ZMAT4: variants seen among roughly 807,000 people sequenced by gnomAD.
ZMAT4 encodes the protein zinc finger matrin-type 4.
ZMAT4 carries 17 observed loss-of-function variants against 28.7 expected under a neutral mutation model. That is an observed-to-expected ratio of 0.59 (90% CI 0.41 to 0.89). The LOEUF is 0.89. Among genes scored for constraint, ZMAT4 ranks in the 40% least tolerant of loss-of-function variants. ZMAT4 has a pLI of 0.00. For missense variants in ZMAT4, 240 were observed against 283.8 expected, an observed-to-expected ratio of 0.85 and a Z score of 1.11; for synonymous variants, 117 against 109.2, an observed-to-expected ratio of 1.07 and a Z score of -0.44.
chr8:40,659,775 T>C (rs1202124086), intron 5 of ZMAT4, among the ~76,000 whole-genome samples: 3 of 152,132 alleles, frequency 2.0e-5, no homozygotes, highest in Non-Finnish European at 2.9e-5. Flanking sequence ...CCCAGAGAGA[T>C]GAAGCAACTC....
intron 2 of ZMAT4, among the ~76,000 whole-genome samples, chr8:40,768,663 T>C (rs544251785): frequency 1.3e-5 from 2 of 152,196 alleles, no homozygotes; most frequent in South Asian, 2.1e-4. Context: ...ATTTTCTCCA[T>C]GTACAAAATG....
chr8:40,602,792 T>C (rs1805443829), intron 5 of ZMAT4, among the ~76,000 whole-genome samples: 1 of 152,224 alleles, frequency 6.6e-6, no homozygotes, highest in Non-Finnish European at 1.5e-5. Context: ...TTGAGTTCCT[T>C]GTAGATTCTG....
chr8:40,581,181 A>G lies in ZMAT4; in HGVS notation c.658T>C (p.Ser220Pro), dbSNP rs1339923346. Residue 220 changes from serine to proline, a missense_variant, in exon 6 of 7, where the codon TCT becomes CCT. Transcript: ENST00000297737. ...IEQYHAHLKG[S>P]KHQTNLKNK Reference sequence around the variant, plus strand: ...AGTACCTACTTGGTCTGGTGTTTAGATCCTTTCAGATGGGCATGATACTGT... The same window carrying G: ...AGTACCTACTTGGTCTGGTGTTTAGGTCCTTTCAGATGGGCATGATACTGT... 6.2e-7 allele frequency: 1 copy of G among 1,613,158 alleles called. No individual in the cohort carries two copies. Among genetic ancestry groups the G allele is most frequent in the Admixed American group, 1.7e-5 (1 of 59,982 alleles).
intron 5 of ZMAT4, among the ~76,000 whole-genome samples, chr8:40,592,567 T>C (rs557899261): frequency 1.3e-5 from 2 of 152,204 alleles, no homozygotes; most frequent in South Asian, 2.1e-4. Flanking sequence ...GGGAAGCAAA[T>C]GGCTTTGCAT....
At chr8:40,552,663 G>C (rs1408681166) in intron 6 of ZMAT4, among the ~76,000 whole-genome samples, 2 of 152,126 alleles carry the variant, frequency 1.3e-5, no homozygotes, top group Non-Finnish European at 2.9e-5. Flanking sequence ...GAGACCCAGG[G>C]AGATGAGTGG....
At chr8:40,679,338 T>C (rs1232002574) in intron 4 of ZMAT4, among the ~76,000 whole-genome samples, 1 of 152,184 alleles carries the variant, frequency 6.6e-6, no homozygotes, top group Non-Finnish European at 1.5e-5. Flanking sequence ...CTGCAGCTCC[T>C]GTGTGTGTCT....
At chr8:40,823,749 A>G (rs943334200) in intron 2 of ZMAT4, among the ~76,000 whole-genome samples, 6 of 152,082 alleles carry the variant, frequency 3.9e-5, no homozygotes, top group Admixed American at 3.9e-4. Flanking sequence ...ATAGCCACAG[A>G]AATTTGGAAG....
At chr8:40,551,647 G>T (rs2118423860) in intron 6 of ZMAT4, among the ~76,000 whole-genome samples, 1 of 152,224 alleles carries the variant, frequency 6.6e-6, no homozygotes, top group Admixed American at 6.5e-5. Context: ...CTTACTTTAA[G>T]CATTGTTACA....
intron 3 of ZMAT4, among the ~76,000 whole-genome samples, chr8:40,756,624 AGTGTGTGTGTGTGTGT>A (rs58686349): frequency 0.28 from 39,078 of 139,484 alleles, 5,814 homozygotes; most frequent in Non-Finnish European, 0.34. Context: ...TATGTTTGTA[AGTGTGTGTGTGTGTGT>A]GTGTGTGTGT....
intron 6 of ZMAT4, among the ~76,000 whole-genome samples, chr8:40,544,871 A>G (rs1291228575): frequency 9.2e-5 from 14 of 152,188 alleles, no homozygotes; most frequent in Admixed American, 9.2e-4. Context: ...AGGTCCCTGA[A>G]TCCTGGGATC....
At chr8:40,850,617 G>A (rs1817069586) in intron 1 of ZMAT4, among the ~76,000 whole-genome samples, 1 of 152,122 alleles carries the variant, frequency 6.6e-6, no homozygotes, top group African/African-American at 2.4e-5. Flanking sequence ...TTTGTGGGCT[G>A]GCTAAATGAA....
At chr8:40,667,058 TGTAAA>T (rs1808445827) in intron 5 of ZMAT4, among the ~76,000 whole-genome samples, 1 of 151,924 alleles carries the variant, frequency 6.6e-6, no homozygotes. Context: ...TCAAAAGAAA[TGTAAA>T]GAAATGTAAA....
intron 1 of ZMAT4, among the ~76,000 whole-genome samples, chr8:40,886,834 G>A (rs1235007049): frequency 6.6e-6 from 1 of 151,948 alleles, no homozygotes. Context: ...CTACATGAAT[G>A]GTAACTGCTT....
intron 5 of ZMAT4, among the ~76,000 whole-genome samples, chr8:40,606,088 T>C (rs907318408): frequency 6.6e-6 from 1 of 152,204 alleles, no homozygotes; most frequent in African/African-American, 2.4e-5. Flanking sequence ...ATTAGTCTCT[T>C]GAAGACAGTG....
intron 6 of ZMAT4, among the ~76,000 whole-genome samples, chr8:40,533,169 G>T (rs1210894513): frequency 6.6e-6 from 1 of 152,032 alleles, no homozygotes; most frequent in Non-Finnish European, 1.5e-5. Flanking sequence ...TTAATCCACA[G>T]ACCACTTTTA....
At chr8:40,702,169 C>T (rs778530540) in intron 3 of ZMAT4, among the ~76,000 whole-genome samples, 1 of 152,126 alleles carries the variant, frequency 6.6e-6, no homozygotes, top group African/African-American at 2.4e-5. Context: ...CTTCTAGAAC[C>T]ATGAGCTGAA....
intron 2 of ZMAT4, among the ~76,000 whole-genome samples, chr8:40,785,442 C>CA (rs982087425): frequency 6.6e-6 from 1 of 152,178 alleles, no homozygotes; most frequent in Admixed American, 6.5e-5. Context: ...TGTAGGTGTC[C>CA]AAAAAACGCT....
chr8:40,666,139 A>G (rs1808405198), intron 5 of ZMAT4, among the ~76,000 whole-genome samples: 1 of 152,230 alleles, frequency 6.6e-6, no homozygotes, highest in Non-Finnish European at 1.5e-5. Context: ...TCTAAGTAAG[A>G]AACTGCCTTC....
intron 3 of ZMAT4, among the ~76,000 whole-genome samples, chr8:40,724,892 A>G (rs1410174572): frequency 6.6e-6 from 1 of 152,204 alleles, no homozygotes; most frequent in Non-Finnish European, 1.5e-5. Flanking sequence ...TTCCAGACCT[A>G]GCTGGGATGA....
Sources: allele counts gnomAD v4.1 joint callset (sites outside exome capture counted in the v4.1 genomes callset), GRCh38; gene constraint gnomAD v4.1.1; transcripts MANE v1.5; gene names NCBI Gene and HGNC (gene_info 2026-07-23, HGNC 2026-07-21).